The following ST3GAL2 variants were observed in gnomAD, a reference collection of about 807,000 sequenced individuals.
ST3GAL2 encodes CMP-N-acetylneuraminate-beta-galactosamide-alpha-2,3-sialyltransferase 2.
In ST3GAL2, 16 loss-of-function variants were observed where a neutral mutation model predicts 37.5. The ratio of observed to expected loss-of-function variants is 0.43; its 90% confidence interval spans 0.29 to 0.65. The LOEUF is 0.65. ST3GAL2 is among the 30% of genes least tolerant of loss of function. ST3GAL2 has a pLI of 0.17. For missense variants in ST3GAL2, 383 were observed against 487.8 expected (o/e 0.79, Z 2.02); for synonymous variants, 238 against 202.9 (o/e 1.17, Z -1.47).
intron 4 of ST3GAL2, among the ~76,000 whole-genome samples, chr16:70,384,429 G>C (rs1287131265): frequency 6.6e-6 from 1 of 152,202 alleles, no homozygotes; most frequent in Non-Finnish European, 1.5e-5. Context: ...AATCAGGGCC[G>C]GGTGCGGTGG....
Position 70,381,360 on chromosome 16 carries a change from A to G in ST3GAL2, c.*329T>C. 1 of 243,894 alleles carries G rather than the reference A, an allele frequency of 4.1e-6. No individual in the cohort carries two copies. Among genetic ancestry groups the G allele is most frequent in the East Asian group, 9.4e-5 (1 of 10,614 alleles). The allele number at this position is 243,894 out of a possible 1,614,324, so 15.1% of individuals were successfully genotyped here. ...CCGCGCCATGCTCTCCTCCTCAGAA[A>G]GCGTGAAAGAAAACCCTAACCCAAA... On this transcript the variant is annotated 3_prime_UTR_variant, in exon 7 of 7. Transcript: ENST00000342907.
intron 1 of ST3GAL2, among the ~76,000 whole-genome samples, chr16:70,426,877 T>A (rs2047755512): frequency 6.6e-6 from 1 of 152,096 alleles, no homozygotes; most frequent in Admixed American, 6.6e-5. Flanking sequence ...ACAAAGGGTC[T>A]CGCTCTGTCG....
At chr16:70,391,098 C>A (rs1443811698) in intron 3 of ST3GAL2, among the ~76,000 whole-genome samples, 1 of 152,150 alleles carries the variant, frequency 6.6e-6, no homozygotes, top group Non-Finnish European at 1.5e-5. Context: ...GCTAGCTGGG[C>A]TGGGTGAGGA....
chr16:70,431,978 T>C (rs1258791742), intron 1 of ST3GAL2, among the ~76,000 whole-genome samples: 2 of 134,630 alleles, frequency 1.5e-5, no homozygotes, highest in Non-Finnish European at 3.0e-5. Context: ...AAAATATATA[T>C]ATATATATTT....
At chr16:70,391,687 T>G (rs1597558575) in intron 3 of ST3GAL2, among the ~76,000 whole-genome samples, 1 of 152,086 alleles carries the variant, frequency 6.6e-6, no homozygotes, top group African/African-American at 2.4e-5. Context: ...ATGGCAGGGG[T>G]AGGCAGGGGG....
chr16:70,403,245 G>C (rs2047567916), intron 1 of ST3GAL2, among the ~76,000 whole-genome samples: 1 of 152,126 alleles, frequency 6.6e-6, no homozygotes, highest in Non-Finnish European at 1.5e-5. Flanking sequence ...GGGGAGCAGG[G>C]TGGGAAGAGG....
intron 1 of ST3GAL2, among the ~76,000 whole-genome samples, chr16:70,404,365 C>G (rs550060741): frequency 6.6e-6 from 1 of 152,178 alleles, no homozygotes; most frequent in African/African-American, 2.4e-5. Context: ...GGACTGAGAA[C>G]TGACCACTGG....
intron 2 of ST3GAL2, 123 bp from the exon 3 acceptor site, chr16:70,395,298 G>C: frequency 2.2e-6 from 2 of 892,932 alleles, no homozygotes; most frequent in South Asian, 3.6e-5. Context: ...CTTTATCCAG[G>C]GCTCTGCCAG....
chr16:70,408,946 ACG>A (rs2047615589), intron 1 of ST3GAL2, among the ~76,000 whole-genome samples: 1 of 141,584 alleles, frequency 7.1e-6, no homozygotes, highest in Non-Finnish European at 1.5e-5. Flanking sequence ...AAATAAAGAA[ACG>A]GCCTCTAAGA....
Position 70,389,202 on chromosome 16 carries a change from C to CAAAAAAAAA in ST3GAL2, c.534-665_534-657dup, listed in dbSNP as rs1160368910. Among the ~76,000 whole-genome samples the CAAAAAAAAA allele has an allele frequency of 5.6e-3, 153 of 27,378 alleles. 40 individuals are homozygous for CAAAAAAAAA. Among genetic ancestry groups the CAAAAAAAAA allele is most frequent in the East Asian group, 0.02 (9 of 448 alleles). The allele number at this position is 27,378 out of a possible 152,430, so 18.0% of individuals were successfully genotyped here. A position where few individuals can be genotyped will look rare whatever the true frequency, so the allele number is the denominator to read the frequency against. On this transcript the variant is annotated intron_variant, in intron 3 of 6. Coordinates refer to ENST00000342907, the MANE Select transcript of ST3GAL2 (RefSeq NM_006927.4). ...AGACCACGGTGAAACCCCATCTCTACAAAAAAAAAAAAAAAAAAAAAAAAA... is the reference window on the plus strand; with the variant it reads ...AGACCACGGTGAAACCCCATCTCTACAAAAAAAAAAAAAAAAAAAAAAAAAAAAAAAAAA...
intron 6 of ST3GAL2, 46 bp downstream of exon 6, chr16:70,382,759 C>A: frequency 6.2e-7 from 1 of 1,612,284 alleles, no homozygotes; most frequent in Non-Finnish European, 8.5e-7. Flanking sequence ...GGCCTGCACT[C>A]CTCTGTTCCA....
intron 1 of ST3GAL2, among the ~76,000 whole-genome samples, chr16:70,431,248 C>T (rs2047787895): frequency 6.6e-6 from 1 of 152,232 alleles, no homozygotes; most frequent in Non-Finnish European, 1.5e-5. Flanking sequence ...GATTTTTCCA[C>T]ACCAAAGTAG....
intron 1 of ST3GAL2, among the ~76,000 whole-genome samples, chr16:70,405,007 T>TG (rs1439249658): frequency 7.0e-6 from 1 of 143,704 alleles, no homozygotes; most frequent in South Asian, 2.2e-4. Flanking sequence ...CACTCCAGCC[T>TG]GGCGACAGAG....
rs2047352123 is a variant in ST3GAL2, at chr16:70,376,931, C to CG, written c.*4757dup. The CG allele has an allele frequency of 6.6e-6, 1 of 151,748 alleles. No individual in the cohort carries two copies. 9.4% of individuals were successfully genotyped at this position (151,748 alleles called of 1,614,324 possible). A position where few individuals can be genotyped will look rare whatever the true frequency, so the allele number is the denominator to read the frequency against. The stretch of plus-strand genomic sequence containing the variant: ...CAATTTTTTGTATTTTTAGTAGAGA[C>CG]GGGGTTTCACCATCTTGGCCAGGCT... On this transcript the variant is annotated 3_prime_UTR_variant, in exon 7 of 7. Transcript: ENST00000342907.
At chr16:70,419,961 A>T (rs542374256) in intron 1 of ST3GAL2, among the ~76,000 whole-genome samples, 23 of 151,776 alleles carry the variant, frequency 1.5e-4, no homozygotes, top group Middle Eastern at 3.4e-3. Flanking sequence ...AATCCCTCCA[A>T]AGGGCTCCTA....
At chr16:70,404,283 G>C (rs1307472314) in intron 1 of ST3GAL2, among the ~76,000 whole-genome samples, 2 of 152,182 alleles carry the variant, frequency 1.3e-5, no homozygotes, top group African/African-American at 4.8e-5. Context: ...CTGCATCTGG[G>C]AAGCCAAGAG....
Position 70,398,578 on chromosome 16 carries a change from C to T in ST3GAL2, c.-48G>A. ...TCACCGTGGCCACTCTTTTCCCAGC[C>T]CGCTGAGGGGCCAGCCACGGCGTAG... is the stretch of plus-strand genomic sequence containing the variant. On this transcript the variant is annotated 5_prime_UTR_variant, in exon 2 of 7. Coordinates refer to ENST00000342907, the MANE Select transcript of ST3GAL2 (RefSeq NM_006927.4). 3.3e-6 allele frequency: 5 copies of T among 1,515,870 alleles called. No individual in the cohort carries two copies. Among genetic ancestry groups the T allele is most frequent in the Non-Finnish European group, 4.4e-6 (5 of 1,130,478 alleles). 93.9% of individuals were successfully genotyped at this position (1,515,870 alleles called of 1,614,324 possible). A position where few individuals can be genotyped will look rare whatever the true frequency, so the allele number is the denominator to read the frequency against.
intron 4 of ST3GAL2, among the ~76,000 whole-genome samples, chr16:70,383,895 C>A (rs918190079): frequency 4.0e-5 from 6 of 151,684 alleles, no homozygotes; most frequent in African/African-American, 1.5e-4. Context: ...CCTAGACCAG[C>A]CCCAACCTTC....
At chr16:70,433,505 C>G (rs1474071712) in intron 1 of ST3GAL2, among the ~76,000 whole-genome samples, 1 of 152,154 alleles carries the variant, frequency 6.6e-6, no homozygotes, top group African/African-American at 2.4e-5. Context: ...GAGGGAACTG[C>G]CCAACATGCC....
Sources: gnomAD v4.1 joint callset for allele counts (sites outside exome capture counted in the v4.1 genomes callset) on GRCh38, gnomAD v4.1.1 for gene constraint, MANE v1.5 for transcripts, NCBI Gene and HGNC (gene_info 2026-07-23, HGNC 2026-07-21) for gene names.